IGF1R: variants seen among roughly 807,000 people sequenced by gnomAD.
The protein encoded by IGF1R is insulin-like growth factor 1 receptor.
IGF1R carries 44 observed loss-of-function variants against 144.6 expected under a neutral mutation model. The ratio of observed to expected loss-of-function variants is 0.30; its 90% CI spans 0.24 to 0.39. The LOEUF (loss-of-function observed/expected upper bound fraction) is 0.39, where lower values mean the gene tolerates loss of function less well. IGF1R is among the 10% of genes least tolerant of loss of function. The pLI, the probability that IGF1R is intolerant of heterozygous loss-of-function variation, is 1.00. For synonymous variants in IGF1R, 795 were observed against 722.8 expected (o/e 1.10, Z -1.60); for missense variants, 1,355 against 1,833.7 (o/e 0.74, Z 4.77).
At chr15:98,761,602 G>A (rs2055296682) in intron 2 of IGF1R, among the ~76,000 whole-genome samples, 1 of 152,248 alleles carries the variant, frequency 6.6e-6, no homozygotes, top group South Asian at 2.1e-4. Context: ...GAAAGGCCAT[G>A]TGAATGCATG....
chr15:98,694,174 T>G (rs897998207), intron 1 of IGF1R, among the ~76,000 whole-genome samples: 5 of 152,200 alleles, frequency 3.3e-5, no homozygotes, highest in Non-Finnish European at 7.3e-5. Context: ...GTCTACATGA[T>G]GTAACATGCT....
intron 2 of IGF1R, among the ~76,000 whole-genome samples, chr15:98,747,928 A>G (rs1181924973): frequency 6.6e-6 from 1 of 152,198 alleles, no homozygotes; most frequent in East Asian, 1.9e-4. Context: ...ATTTACATAT[A>G]TTTCATGTGT....
chr15:98,962,966 G>C lies in IGF1R; in HGVS notation c.*5524G>C, dbSNP rs553005239. On this transcript the variant is annotated 3_prime_UTR_variant, in exon 21 of 21. Transcript: ENST00000650285. ...TCATTTTTATGTCCCACGTGTGTGT[G>C]TCCGCATCTTTCTGGTCAACATTGT... 1 of 233,702 alleles carries C rather than the reference G, an allele frequency of 4.3e-6. No homozygotes were observed. The highest frequency in any genetic ancestry group is 8.5e-6 in the Non-Finnish European group (1 of 118,062). The allele number at this position is 233,702 out of a possible 1,614,324, so 14.5% of individuals were successfully genotyped here. A position where few individuals can be genotyped will look rare whatever the true frequency, so the allele number is the denominator to read the frequency against.
At chr15:98,683,731 TTTTG>T (rs1596181651) in intron 1 of IGF1R, among the ~76,000 whole-genome samples, 1 of 152,204 alleles carries the variant, frequency 6.6e-6, no homozygotes, top group East Asian at 1.9e-4. Flanking sequence ...TGTTTAAAGT[TTTTG>T]TTTTTTCTTT....
At chr15:98,917,007 C>T in intron 10 of IGF1R, 131 bp downstream of exon 10, 3 of 794,666 alleles carry the variant, frequency 3.8e-6, no homozygotes, top group African/African-American at 3.4e-5. Flanking sequence ...GAGACGGAGC[C>T]GAAAAAGATG....
intron 2 of IGF1R, among the ~76,000 whole-genome samples, chr15:98,783,113 GC>G (rs200217360): frequency 1.3e-4 from 19 of 151,952 alleles, no homozygotes; most frequent in Non-Finnish European, 2.5e-4. Flanking sequence ...ACCTCCCCCT[GC>G]CCCCATTAAA....
intron 1 of IGF1R, among the ~76,000 whole-genome samples, chr15:98,690,943 TACTC>T (rs1460543419): frequency 6.6e-6 from 1 of 152,228 alleles, no homozygotes; most frequent in African/African-American, 2.4e-5. Context: ...TGCTCATGCA[TACTC>T]ACTGTTTCTT....
intron 18 of IGF1R, among the ~76,000 whole-genome samples, chr15:98,940,947 C>T (rs1236614599): frequency 6.6e-6 from 1 of 152,230 alleles, no homozygotes; most frequent in Non-Finnish European, 1.5e-5. Context: ...TCAGGGCTCT[C>T]AGGAAAGAGC....
At chr15:98,845,612 C>G (rs971450854) in intron 2 of IGF1R, among the ~76,000 whole-genome samples, 2 of 148,574 alleles carry the variant, frequency 1.3e-5, no homozygotes, top group Admixed American at 1.4e-4. Flanking sequence ...TCTACCATTG[C>G]TGTCAGTTGA....
intron 17 of IGF1R, among the ~76,000 whole-genome samples, chr15:98,936,791 C>A (rs968739203): frequency 6.6e-6 from 1 of 152,032 alleles, no homozygotes; most frequent in Non-Finnish European, 1.5e-5. Flanking sequence ...AAACTCCCAC[C>A]CTCTGTTCTG....
At chr15:98,923,413 C>G (rs958982296) in intron 11 of IGF1R, among the ~76,000 whole-genome samples, 1 of 152,250 alleles carries the variant, frequency 6.6e-6, no homozygotes, top group Non-Finnish European at 1.5e-5. Context: ...ACGGAGGGTC[C>G]CTGTCACAGC....
At chr15:98,795,040 A>G (rs2056206673) in intron 2 of IGF1R, among the ~76,000 whole-genome samples, 1 of 152,228 alleles carries the variant, frequency 6.6e-6, no homozygotes, top group Non-Finnish European at 1.5e-5. Context: ...CTCACTGTGT[A>G]TCAGCTCAAG....
intron 20 of IGF1R, 125 bp from the exon 21 acceptor site, chr15:98,956,936 C>A: frequency 9.4e-7 from 1 of 1,069,182 alleles, no homozygotes. Context: ...AGAGGGGCAG[C>A]AGGGCTGTGT....
intron 1 of IGF1R, among the ~76,000 whole-genome samples, chr15:98,678,730 C>T (rs1384663388): frequency 2.6e-5 from 4 of 152,072 alleles, no homozygotes; most frequent in East Asian, 3.9e-4. Context: ...TGCCACGTTG[C>T]GCAGGCTGGT....
Position 98,922,374 on chromosome 15 carries a change from G to T in IGF1R, c.2428G>T (p.Ala810Ser), listed in dbSNP as rs1391007042. 1.2e-6 allele frequency: 2 copies of T among 1,614,098 alleles called. No homozygotes were observed. The highest frequency in any genetic ancestry group is 1.3e-5 in the African/African-American group (1 of 75,070). ...CGATATCCACAGCTGCAACCACGAG[G>T]CTGAGAAGCTGGGCTGCAGCGCCTC... ...RIDIHSCNHEAEKLGCSASNF... is the reference protein window; with the variant it reads ...RIDIHSCNHESEKLGCSASNF... The change falls in exon 11 of 21, where the codon GCT becomes TCT. Residue 810 changes from alanine (A) to serine (S), a missense_variant. Around this residue, in one of 7 missense-constraint regions of IGF1R, gnomAD observed 880 missense variants for 1,202.7 expected, o/e 0.73. Coordinates refer to ENST00000650285, the MANE Select transcript of IGF1R (RefSeq NM_000875.5).
chr15:98,924,933 G>C (rs2015650783), intron 13 of IGF1R, among the ~76,000 whole-genome samples: 1 of 152,086 alleles, frequency 6.6e-6, no homozygotes, highest in Non-Finnish European at 1.5e-5. Context: ...CTCCTTTGAG[G>C]TTGTGTAACC....
intron 2 of IGF1R, among the ~76,000 whole-genome samples, chr15:98,717,335 A>ATTTT (rs11454053): frequency 6.7e-6 from 1 of 150,288 alleles, no homozygotes; most frequent in Admixed American, 6.6e-5. Flanking sequence ...AGCTGCTGCT[A>ATTTT]TTTTTTTTTT....
intron 2 of IGF1R, among the ~76,000 whole-genome samples, chr15:98,810,526 C>A (rs1007363401): frequency 2.0e-5 from 3 of 151,616 alleles, no homozygotes; most frequent in African/African-American, 7.3e-5. Context: ...CTTGTAAAAT[C>A]AGATTCTAAA....
chr15:98,676,228 C>T (rs1221522320), intron 1 of IGF1R, among the ~76,000 whole-genome samples: 1 of 152,112 alleles, frequency 6.6e-6, no homozygotes, highest in African/African-American at 2.4e-5. Context: ...GCAACCTCCA[C>T]CTCCCGGGTT....
Sources: gnomAD v4.1 joint callset for allele counts (sites outside exome capture counted in the v4.1 genomes callset) on GRCh38, gnomAD v4.1.1 for gene constraint, gnomAD v4.1.1 regional missense constraint, MANE v1.5 for transcripts, NCBI Gene and HGNC (gene_info 2026-07-23, HGNC 2026-07-21) for gene names.